COL21A1: variants seen among roughly 807,000 people sequenced by gnomAD.
COL21A1 encodes collagen type XXI alpha 1 chain, also known as collagen alpha-1(XXI) chain.
A neutral mutation model predicts 137.9 loss-of-function variants in COL21A1; 149 were observed. The ratio of observed to expected loss-of-function variants is 1.08; its 90% CI spans 0.95 to 1.24. COL21A1 has a LOEUF of 1.24. Ranked by LOEUF, COL21A1 falls within the 50% of genes most tolerant of loss-of-function variation. The pLI is 0.00. For synonymous variants in COL21A1, 456 were observed against 391.5 expected (o/e 1.16, Z -1.95); for missense variants, 1,167 against 1,158.4 (o/e 1.01, Z -0.11).
intron 1 of COL21A1, among the ~76,000 whole-genome samples, chr6:56,376,945 T>A (rs975366172): frequency 7.4e-5 from 11 of 148,090 alleles, no homozygotes; most frequent in Non-Finnish European, 1.3e-4. Context: ...TAACTTCATA[T>A]CACTAAAAGA....
chr6:56,265,257 G>A (rs768023668), intron 1 of COL21A1, among the ~76,000 whole-genome samples: 22 of 152,222 alleles, frequency 1.4e-4, no homozygotes, highest in Non-Finnish European at 2.5e-4. Context: ...AAGCTCTGGG[G>A]TGGATTGTCC....
intron 3 of COL21A1, among the ~76,000 whole-genome samples, chr6:56,177,364 T>C (rs1305514946): frequency 1.3e-5 from 2 of 152,132 alleles, no homozygotes; most frequent in African/African-American, 4.8e-5. Flanking sequence ...CACTTCAACA[T>C]AGAAGTTAAG....
At chr6:56,111,185 A>C (rs1449013284) in intron 16 of COL21A1, among the ~76,000 whole-genome samples, 1 of 151,736 alleles carries the variant, frequency 6.6e-6, no homozygotes, top group African/African-American at 2.4e-5. Context: ...GAATCTAATC[A>C]TGAGGAAAGC....
chr6:56,355,331 G>A (rs1007683823), intron 1 of COL21A1, among the ~76,000 whole-genome samples: 1 of 152,140 alleles, frequency 6.6e-6, no homozygotes, highest in African/African-American at 2.4e-5. Context: ...ACCACACCAT[G>A]GGGGTGCAAT....
intron 3 of COL21A1, among the ~76,000 whole-genome samples, chr6:56,172,225 T>C (rs970517383): frequency 1.3e-5 from 2 of 152,092 alleles, no homozygotes; most frequent in Admixed American, 6.5e-5. Context: ...CTGAGACACA[T>C]TGTAATCTAA....
chr6:56,213,178 TA>T (rs143462066), intron 1 of COL21A1, among the ~76,000 whole-genome samples: 3,967 of 152,078 alleles, frequency 0.026, 168 homozygotes, highest in African/African-American at 0.091. Context: ...TAGTCTTATT[TA>T]AAAAAAATTG....
intron 12 of COL21A1, among the ~76,000 whole-genome samples, chr6:56,134,440 A>C (rs1189522656): frequency 6.6e-6 from 1 of 152,190 alleles, no homozygotes; most frequent in African/African-American, 2.4e-5. Flanking sequence ...CTGGCTCATA[A>C]GTGGAAAGGA....
chr6:56,238,679 T>C (rs954399343), intron 1 of COL21A1, among the ~76,000 whole-genome samples: 1 of 152,220 alleles, frequency 6.6e-6, no homozygotes, highest in African/African-American at 2.4e-5. Flanking sequence ...AGCAGATACC[T>C]TTCTCCTGCA....
intron 1 of COL21A1, among the ~76,000 whole-genome samples, chr6:56,340,799 T>A (rs1765449498): frequency 6.6e-6 from 1 of 152,204 alleles, no homozygotes; most frequent in East Asian, 1.9e-4. Context: ...TTAGATTGGG[T>A]TGGATTCCAG....
Position 56,061,008 on chromosome 6 carries a change from T to A in COL21A1, c.2235A>T (p.Arg745=), listed in dbSNP as rs756332631. The A allele has an allele frequency of 6.2e-6, 10 of 1,609,592 alleles. No individual in the cohort carries two copies. Among genetic ancestry groups the A allele is most frequent in the Non-Finnish European group, 8.5e-6 (10 of 1,178,372 alleles). ...ATTCTCCTTTTGATCCAATGGCACCTCGGACACCAGGTTCTCCCTTTTCAC... is the reference window on the plus strand; with the variant it reads ...ATTCTCCTTTTGATCCAATGGCACCACGGACACCAGGTTCTCCCTTTTCAC... ...ERGEKGEPGV[R]GAIGSKGESG... Residue 745 remains arginine (R), a synonymous_variant, in exon 26 of 30, where the codon CGA becomes CGT. Coordinates refer to ENST00000244728, the MANE Select transcript of COL21A1 (RefSeq NM_030820.4).
At chr6:56,107,603 CAT>C (rs1185122728) in intron 16 of COL21A1, among the ~76,000 whole-genome samples, 2 of 151,152 alleles carry the variant, frequency 1.3e-5, no homozygotes, top group African/African-American at 4.9e-5. Context: ...CAGCAACACA[CAT>C]GTTGGCAGTG....
At chr6:56,367,277 T>C (rs764135418) in intron 1 of COL21A1, among the ~76,000 whole-genome samples, 7 of 152,212 alleles carry the variant, frequency 4.6e-5, no homozygotes, top group Non-Finnish European at 1.0e-4. Context: ...CTCAATACTC[T>C]TTGCTTGCAT....
At chr6:56,092,770 C>A (rs757248159) in intron 17 of COL21A1, among the ~76,000 whole-genome samples, 3 of 152,168 alleles carry the variant, frequency 2.0e-5, no homozygotes, top group Admixed American at 1.3e-4. Flanking sequence ...GCCTAGTGTA[C>A]TAGTTTCCAA....
chr6:56,347,590 C>T (rs1456426706), intron 1 of COL21A1, among the ~76,000 whole-genome samples: 2 of 150,898 alleles, frequency 1.3e-5, no homozygotes, highest in African/African-American at 4.9e-5. Flanking sequence ...GAATCAGAGT[C>T]TCTAGAAGTA....
chr6:56,155,741 G>T (rs1403456288), intron 10 of COL21A1, among the ~76,000 whole-genome samples: 1 of 152,136 alleles, frequency 6.6e-6, no homozygotes, highest in Non-Finnish European at 1.5e-5. Context: ...GATTATAGGT[G>T]TGTGCCACCA....
chr6:56,309,648 G>T (rs975480541), intron 1 of COL21A1, among the ~76,000 whole-genome samples: 6 of 152,174 alleles, frequency 3.9e-5, no homozygotes, highest in Non-Finnish European at 7.3e-5. Context: ...TGTCTGTAAA[G>T]GGCTGATAGT....
At chr6:56,339,332 A>T (rs900573712) in intron 1 of COL21A1, among the ~76,000 whole-genome samples, 2 of 151,248 alleles carry the variant, frequency 1.3e-5, no homozygotes, top group Non-Finnish European at 2.9e-5. Flanking sequence ...ATCCAACATA[A>T]ATTTTATTAC....
intron 1 of COL21A1, among the ~76,000 whole-genome samples, chr6:56,223,419 T>G (rs1245508391): frequency 1.3e-5 from 2 of 152,094 alleles, no homozygotes; most frequent in South Asian, 4.1e-4. Context: ...CTGAAACACT[T>G]ATTTATTTGC....
chr6:56,308,063 C>G (rs1764513108), intron 1 of COL21A1, among the ~76,000 whole-genome samples: 3 of 152,124 alleles, frequency 2.0e-5, no homozygotes, highest in South Asian at 4.2e-4. Context: ...TGAATGACCC[C>G]CAACACTCAA....
Sources: gnomAD v4.1 joint callset for allele counts (sites outside exome capture counted in the v4.1 genomes callset) on GRCh38, gnomAD v4.1.1 for gene constraint, MANE v1.5 for transcripts, NCBI Gene and HGNC (gene_info 2026-07-23, HGNC 2026-07-21) for gene names.